Variants in CMPK1 observed in about 807,000 individuals in gnomAD.
The protein encoded by CMPK1 is cytidine/uridine monophosphate kinase 1, also known as UMP-CMP kinase.
In CMPK1, 10 loss-of-function variants were observed where a neutral mutation model predicts 25.7. That is an observed-to-expected ratio of 0.39 (90% CI 0.24 to 0.66). The LOEUF is 0.66. Ranked by LOEUF, CMPK1 falls within the 30% of genes least tolerant of loss-of-function variation. The pLI is 0.48. For synonymous variants in CMPK1, 106 were observed against 101.5 expected (o/e 1.04, Z -0.27); for missense variants, 199 against 280.5 (o/e 0.71, Z 2.08).
intron 1 of CMPK1, among the ~76,000 whole-genome samples, chr1:47,342,108 G>A (rs1646445530): frequency 6.6e-6 from 1 of 151,646 alleles, no homozygotes; most frequent in African/African-American, 2.4e-5. Flanking sequence ...TTGAGATGGA[G>A]TCTTGCTCTG....
intron 1 of CMPK1, among the ~76,000 whole-genome samples, chr1:47,344,285 A>G (rs754698528): frequency 6.6e-6 from 1 of 152,104 alleles, no homozygotes; most frequent in Non-Finnish European, 1.5e-5. Flanking sequence ...TATGAGCTCA[A>G]TTTTGAAGGA....
At chr1:47,346,818 C>T (rs1646488101) in intron 1 of CMPK1, among the ~76,000 whole-genome samples, 1 of 135,378 alleles carries the variant, frequency 7.4e-6, no homozygotes, top group African/African-American at 2.8e-5. Flanking sequence ...GTTTGCCTTC[C>T]TCTCCCCCTC....
At chr1:47,362,084 G>A (rs1028375393) in intron 1 of CMPK1, among the ~76,000 whole-genome samples, 2 of 151,500 alleles carry the variant, frequency 1.3e-5, no homozygotes, top group African/African-American at 4.9e-5. Flanking sequence ...TGGTCAGGCT[G>A]GTCTTGAACT....
At chr1:47,367,330 T>C (rs1471938608) in intron 1 of CMPK1, among the ~76,000 whole-genome samples, 3 of 152,236 alleles carry the variant, frequency 2.0e-5, no homozygotes, top group Non-Finnish European at 4.4e-5. Flanking sequence ...TAACTTATTA[T>C]TTAGTAAGCA....
intron 1 of CMPK1, among the ~76,000 whole-genome samples, chr1:47,341,053 G>T (rs1279387109): frequency 6.6e-6 from 1 of 152,164 alleles, no homozygotes; most frequent in Non-Finnish European, 1.5e-5. Flanking sequence ...TAAGAACTTG[G>T]AGGAGGGGAG....
intron 1 of CMPK1, among the ~76,000 whole-genome samples, chr1:47,336,016 C>T (rs1646396475): frequency 6.6e-6 from 1 of 152,188 alleles, no homozygotes; most frequent in Admixed American, 6.5e-5. Context: ...CCGCCTCAGC[C>T]TCCCAAAGTG....
chr1:47,370,120 T>C, intron 2 of CMPK1, among the ~76,000 whole-genome samples: 1 of 150,120 alleles, frequency 6.7e-6, no homozygotes, highest in East Asian at 2.1e-4. Flanking sequence ...GGTTTCACCG[T>C]GTTAGCCAGG....
At chr1:47,375,048 TA>T in intron 4 of CMPK1, 63 bp downstream of exon 4, 1 of 1,395,444 alleles carries the variant, frequency 7.2e-7, no homozygotes, top group Non-Finnish European at 1.0e-6. Flanking sequence ...GGTACAGGAA[TA>T]AAAGAGTCAC....
chr1:47,364,295 T>C (rs1178780680), intron 1 of CMPK1, among the ~76,000 whole-genome samples: 1 of 151,506 alleles, frequency 6.6e-6, no homozygotes, highest in African/African-American at 2.4e-5. Context: ...ATATTTTTTG[T>C]TTGTTTGTTT....
intron 1 of CMPK1, among the ~76,000 whole-genome samples, chr1:47,361,059 A>G (rs1051527560): frequency 1.3e-5 from 2 of 152,194 alleles, no homozygotes; most frequent in African/African-American, 4.8e-5. Flanking sequence ...TGTAACATAC[A>G]TCCCATGTTC....
chr1:47,375,024 G>A (rs1646698488), intron 4 of CMPK1, 39 bp downstream of exon 4: 1 of 1,484,922 alleles, frequency 6.7e-7, no homozygotes, highest in Admixed American at 1.7e-5. Context: ...TTCAATCCCA[G>A]ACCTGCCTTA....
rs1221579632 is a variant in CMPK1, at chr1:47,378,179, C to G, written c.*1434C>G. The G allele has an allele frequency of 3.3e-5, 5 of 152,128 alleles. No homozygotes were observed. The highest frequency in any genetic ancestry group is 4.8e-5 in the African/African-American group (2 of 41,430). The allele number at this position is 152,128 out of a possible 1,614,324, so 9.4% of individuals were successfully genotyped here. On this transcript the variant is annotated 3_prime_UTR_variant, in exon 6 of 6. Transcript: ENST00000371873. Reference sequence around the variant, plus strand: ...TTATTTCTATGTGTTATGAAATTCACTTAATGATAAATTTTTCAACATACT... The same window carrying G: ...TTATTTCTATGTGTTATGAAATTCAGTTAATGATAAATTTTTCAACATACT...
At chr1:47,368,731 A>C in intron 2 of CMPK1, 116 bp downstream of exon 2, 4 of 943,838 alleles carry the variant, frequency 4.2e-6, no homozygotes, top group Non-Finnish European at 6.0e-6. Flanking sequence ...AAGCCAAAGC[A>C]AGAGGATCAC....
chr1:47,341,066 C>G (rs1020545213), intron 1 of CMPK1, among the ~76,000 whole-genome samples: 2 of 152,134 alleles, frequency 1.3e-5, no homozygotes, highest in African/African-American at 2.4e-5. Flanking sequence ...GAGGGGAGAT[C>G]TTCAGATTAT....
chr1:47,376,866 G>C lies in CMPK1; in HGVS notation c.*121G>C. 1.8e-6 allele frequency: 1 copy of C among 561,650 alleles called. No homozygotes were observed. The highest frequency in any genetic ancestry group is 3.2e-6 in the Non-Finnish European group (1 of 313,496). 34.8% of individuals were successfully genotyped at this position (561,650 alleles called of 1,614,324 possible). A position where few individuals can be genotyped will look rare whatever the true frequency, so the allele number is the denominator to read the frequency against. Reference sequence around the variant, plus strand: ...CTACATCTCAATTAGTGGCTGGAAAGTACATGGTAAAACAAAGTAAATTTT... The same window carrying C: ...CTACATCTCAATTAGTGGCTGGAAACTACATGGTAAAACAAAGTAAATTTT... On this transcript the variant is annotated 3_prime_UTR_variant, in exon 6 of 6. Transcript: ENST00000371873.
At position 47,378,012 on chromosome 1, in the gene CMPK1, T is replaced by C. The variant is rs1646718736; in HGVS notation, c.*1267T>C. 6.6e-6 allele frequency: 1 copy of C among 152,200 alleles called. No homozygotes were observed. The highest frequency in any genetic ancestry group is 2.4e-5 in the African/African-American group (1 of 41,452). The allele number at this position is 152,200 out of a possible 1,614,324, so 9.4% of individuals were successfully genotyped here. ...ATATGAGATTTAAAATCTTAAAATG[T>C]TTCTTATTTTCAGCACTTACATCAT... is the stretch of plus-strand genomic sequence containing the variant. On this transcript the variant is annotated 3_prime_UTR_variant, in exon 6 of 6. Transcript: ENST00000371873.
At chr1:47,359,048 G>A (rs1400854675) in intron 1 of CMPK1, among the ~76,000 whole-genome samples, 1 of 152,074 alleles carries the variant, frequency 6.6e-6, no homozygotes, top group Non-Finnish European at 1.5e-5. Context: ...GCCAGGCGCG[G>A]TGGCTCACAC....
Position 47,346,798 on chromosome 1 carries a change from C to T in CMPK1, c.171+12682C>T, listed in dbSNP as rs545763450. Reference sequence around the variant, plus strand: ...GATTACAGGCATGAGCCACCGTGCCCGGCCCGTTTGTTTGCCTTCCTCTCC... The same window carrying T: ...GATTACAGGCATGAGCCACCGTGCCTGGCCCGTTTGTTTGCCTTCCTCTCC... On this transcript the variant is annotated intron_variant, in intron 1 of 5. Transcript: ENST00000371873. Among the ~76,000 whole-genome samples, 431 of 152,048 alleles carry T rather than the reference C, an allele frequency of 2.8e-3. 2 individuals carry two copies. The highest frequency in any genetic ancestry group is 4.4e-3 in the Non-Finnish European group (298 of 67,958).
chr1:47,347,601 C>T (rs1016288608), intron 1 of CMPK1, among the ~76,000 whole-genome samples: 1 of 151,984 alleles, frequency 6.6e-6, no homozygotes, highest in Non-Finnish European at 1.5e-5. Context: ...AGGAATGTGC[C>T]ATGATCTTTT....
Sources: gnomAD v4.1 joint callset for allele counts (sites outside exome capture counted in the v4.1 genomes callset) on GRCh38, gnomAD v4.1.1 for gene constraint, MANE v1.5 for transcripts, NCBI Gene and HGNC (gene_info 2026-07-23, HGNC 2026-07-21) for gene names.